The following ARHGAP29 variants were observed in gnomAD, a reference collection of about 807,000 sequenced individuals.
The protein encoded by ARHGAP29 is Rho GTPase activating protein 29.
In ARHGAP29, 43 loss-of-function variants were observed where a neutral mutation model predicts 122.6. The observed-to-expected ratio is 0.35, with a 90% confidence interval of 0.27 to 0.45. The LOEUF (loss-of-function observed/expected upper bound fraction) is 0.45. Ranked by LOEUF, ARHGAP29 falls within the 20% of genes least tolerant of loss-of-function variation. The pLI is 1.00. For missense variants in ARHGAP29, 1,303 were observed against 1,477.2 expected, an observed-to-expected ratio of 0.88 and a Z score of 1.93; for synonymous variants, 506 against 497.1, an observed-to-expected ratio of 1.02 and a Z score of -0.24.
At chr1:94,261,350 T>C (rs1396573291) in intron 1 of ARHGAP29, among the ~76,000 whole-genome samples, 1 of 152,232 alleles carries the variant, frequency 6.6e-6, no homozygotes. Context: ...TAAACACTTA[T>C]TTGTGTTTAC....
At chr1:94,297,425 C>T in the ARHGAP29 span, among the ~76,000 whole-genome samples, 1 of 152,202 alleles carries the variant, frequency 6.6e-6, no homozygotes, top group Non-Finnish European at 1.5e-5. Context: ...TTCTTGAGCA[C>T]TTATGTGAGC....
chr1:94,203,816 G>C, intron 8 of ARHGAP29, 114 bp downstream of exon 8: 1 of 799,298 alleles, frequency 1.3e-6, no homozygotes, highest in African/African-American at 1.7e-5. Flanking sequence ...TCAATAAAAA[G>C]ATCAGCATTT....
intron 1 of ARHGAP29, among the ~76,000 whole-genome samples, chr1:94,247,490 G>A (rs1368136491): frequency 6.6e-6 from 1 of 151,356 alleles, no homozygotes; most frequent in Non-Finnish European, 1.5e-5. Context: ...GCAACTAGCC[G>A]GCGCCCGCGC....
At chr1:94,291,216 T>C in the ARHGAP29 span, among the ~76,000 whole-genome samples, 1 of 152,212 alleles carries the variant, frequency 6.6e-6, no homozygotes, top group Non-Finnish European at 1.5e-5. Context: ...TTAAAGTCTG[T>C]TTTATCAGAG....
intron 2 of ARHGAP29, among the ~76,000 whole-genome samples, chr1:94,225,251 G>T: frequency 6.6e-6 from 1 of 152,036 alleles, no homozygotes; most frequent in Non-Finnish European, 1.5e-5. Flanking sequence ...GAGAAACCTG[G>T]GTTCCAACCC....
At chr1:94,250,148 G>A (rs902351219) in intron 1 of ARHGAP29, among the ~76,000 whole-genome samples, 1 of 152,162 alleles carries the variant, frequency 6.6e-6, no homozygotes, top group Admixed American at 6.5e-5. Context: ...AAGTGTGCAT[G>A]TTCCATGTGG....
Position 94,180,726 on chromosome 1 carries a change from A to G in ARHGAP29, c.2248-769T>C, listed in dbSNP as rs564252199. ...GTCACTTAACCTCTTGGAGCTGCAG[A>G]TTTCCTGCACAATAAATGAGTAGCA... On this transcript the variant is annotated intron_variant, in intron 19 of 22. Coordinates refer to ENST00000260526, the MANE Select transcript of ARHGAP29 (RefSeq NM_004815.4). Among the ~76,000 whole-genome samples the G allele has an allele frequency of 7.3e-4, 111 of 152,318 alleles. 1 individual carries two copies. Among genetic ancestry groups the G allele is most frequent in the South Asian group, 1.5e-3 (7 of 4,822 alleles).
At chr1:94,308,236 C>A in the ARHGAP29 span, among the ~76,000 whole-genome samples, 2 of 152,176 alleles carry the variant, frequency 1.3e-5, no homozygotes, top group Admixed American at 6.6e-5. Context: ...ATTTTATGAA[C>A]CTCCTCTCCC....
chr1:94,268,242 T>C (rs1402963367), intron 1 of ARHGAP29, among the ~76,000 whole-genome samples: 1 of 152,174 alleles, frequency 6.6e-6, no homozygotes, highest in Non-Finnish European at 1.5e-5. Context: ...TTCAAAGATA[T>C]CCGCTTTACT....
intron 20 of ARHGAP29, among the ~76,000 whole-genome samples, chr1:94,179,039 A>G (rs1649284173): frequency 6.6e-6 from 1 of 152,134 alleles, no homozygotes; most frequent in South Asian, 2.1e-4. Flanking sequence ...CATGCTGTGC[A>G]TAGCTGTTAG....
At chr1:94,259,967 C>G (rs1162640096) in intron 1 of ARHGAP29, among the ~76,000 whole-genome samples, 2 of 152,164 alleles carry the variant, frequency 1.3e-5, no homozygotes, top group African/African-American at 2.4e-5. Context: ...GAAAAGTGTC[C>G]TCCCTGCATA....
At chr1:94,297,980 G>A in the ARHGAP29 span, among the ~76,000 whole-genome samples, 1 of 152,150 alleles carries the variant, frequency 6.6e-6, no homozygotes, top group Admixed American at 6.5e-5. Flanking sequence ...AGCCAATAAA[G>A]CTCCTTCTGA....
At chr1:94,222,772 G>A (rs1276444883) in intron 2 of ARHGAP29, among the ~76,000 whole-genome samples, 1 of 152,088 alleles carries the variant, frequency 6.6e-6, no homozygotes, top group Non-Finnish European at 1.5e-5. Context: ...AACTCTAAGA[G>A]ATATAAGATG....
chr1:94,237,576 AC>A lies in ARHGAP29; in HGVS notation c.-195del. The A allele has an allele frequency of 1.0e-6, 1 of 990,208 alleles. No individual in the cohort carries two copies. The highest frequency in any genetic ancestry group is 1.8e-5 in the African/African-American group (1 of 57,048). 61.3% of individuals were successfully genotyped at this position (990,208 alleles called of 1,614,324 possible). ...AGCCGCAGCCACAGCCACAGGCACC[AC>A]CACCACTGCAGCCGCCACCGCCCCT... On this transcript the variant is annotated 5_prime_UTR_variant, in exon 1 of 23. Coordinates refer to ENST00000260526, the MANE Select transcript of ARHGAP29 (RefSeq NM_004815.4).
the ARHGAP29 span, among the ~76,000 whole-genome samples, chr1:94,313,212 T>C: frequency 2.0e-5 from 3 of 152,176 alleles, no homozygotes; most frequent in African/African-American, 7.2e-5. Context: ...CCAAGGCCTT[T>C]GTACTCTCTG....
At position 94,254,681 on chromosome 1, in the gene ARHGAP29, G is replaced by A. The variant is rs375243997; in HGVS notation, c.-33+20331C>T. On this transcript the variant is annotated intron_variant and NMD_transcript_variant, in intron 1 of 25. Transcript: ENST00000552844. ...CAGAACCTAAGGAAATGAGTAGACC[G>A]GTAGGCAAGTGGTCTTATCCAGACC... 1.8e-4 allele frequency among the ~76,000 whole-genome samples: 28 copies of A among 152,296 alleles called. No individual in the cohort carries two copies. The South Asian group carries it at 3.3e-3, about 18-fold the overall frequency.
chr1:94,196,878 T>C (rs1156583217), intron 12 of ARHGAP29, among the ~76,000 whole-genome samples: 1 of 152,104 alleles, frequency 6.6e-6, no homozygotes, highest in Non-Finnish European at 1.5e-5. Flanking sequence ...GGGATATACA[T>C]AAGCAATGCT....
intron 1 of ARHGAP29, among the ~76,000 whole-genome samples, chr1:94,261,896 A>G (rs946630524): frequency 3.3e-5 from 5 of 152,210 alleles, no homozygotes; most frequent in African/African-American, 1.2e-4. Flanking sequence ...CAACTAGAAA[A>G]AGCTATTTTA....
chr1:94,285,372 G>A, the ARHGAP29 span, among the ~76,000 whole-genome samples: 3 of 152,054 alleles, frequency 2.0e-5, no homozygotes, highest in East Asian at 1.9e-4. Context: ...GGTCTCAAAG[G>A]TCTCACAAGC....
Sources: allele counts gnomAD v4.1 joint callset (sites outside exome capture counted in the v4.1 genomes callset), GRCh38; gene constraint gnomAD v4.1.1; transcripts MANE v1.5; gene names NCBI Gene and HGNC (gene_info 2026-07-23, HGNC 2026-07-21).